DENND1A: variants seen among roughly 807,000 people sequenced by gnomAD.
DENND1A encodes DENN domain containing 1A.
In DENND1A, 51 loss-of-function variants were observed where a neutral mutation model predicts 113.7. That is an observed-to-expected ratio of 0.45 (90% confidence interval 0.36 to 0.57). DENND1A has a LOEUF of 0.57. Ranked by LOEUF, DENND1A falls within the 20% of genes least tolerant of loss-of-function variation. The pLI, the probability that DENND1A is intolerant of heterozygous loss-of-function variation, is 0.00. For synonymous variants in DENND1A, 565 were observed against 570.8 expected, an observed-to-expected ratio of 0.99 and a Z score of 0.14; for missense variants, 1,258 against 1,395.9, an observed-to-expected ratio of 0.90 and a Z score of 1.57.
chr9:123,887,505 G>C (rs1169481310), intron 1 of DENND1A, among the ~76,000 whole-genome samples: 1 of 152,012 alleles, frequency 6.6e-6, no homozygotes, highest in East Asian at 1.9e-4. Context: ...GGCAGAATGA[G>C]GGGGTACCCA....
At chr9:123,734,941 T>C (rs1340877965) in intron 5 of DENND1A, among the ~76,000 whole-genome samples, 1 of 152,208 alleles carries the variant, frequency 6.6e-6, no homozygotes, top group South Asian at 2.1e-4. Flanking sequence ...TCATACGTTA[T>C]GATTTGATCC....
At chr9:123,447,115 C>A (rs2047364095) in intron 18 of DENND1A, among the ~76,000 whole-genome samples, 1 of 152,214 alleles carries the variant, frequency 6.6e-6, no homozygotes, top group Non-Finnish European at 1.5e-5. Context: ...AGGCATTCTT[C>A]TGGCAGGGAG....
intron 13 of DENND1A, among the ~76,000 whole-genome samples, chr9:123,501,016 G>C (rs184915987): frequency 4.7e-4 from 72 of 152,206 alleles, no homozygotes; most frequent in African/African-American, 1.7e-3. Flanking sequence ...TCATACTATT[G>C]TGTAACCATT....
At chr9:123,735,454 C>T (rs1442603109) in intron 5 of DENND1A, among the ~76,000 whole-genome samples, 1 of 152,188 alleles carries the variant, frequency 6.6e-6, no homozygotes, top group African/African-American at 2.4e-5. Flanking sequence ...ACAGCTCACA[C>T]TCTCTGCACT....
chr9:123,549,882 G>T (rs1285707198), intron 13 of DENND1A, among the ~76,000 whole-genome samples: 4 of 152,092 alleles, frequency 2.6e-5, no homozygotes, highest in Non-Finnish European at 4.4e-5. Context: ...GTGCTGTTTT[G>T]ATTTTACTAC....
intron 19 of DENND1A, chr9:123,413,688 G>A: frequency 1.0e-6 from 1 of 985,524 alleles, no homozygotes; most frequent in Non-Finnish European, 1.2e-6. Flanking sequence ...CATTAGCTGG[G>A]CGTGAGGGCT....
At chr9:123,789,099 G>T (rs569139279) in intron 3 of DENND1A, among the ~76,000 whole-genome samples, 3 of 149,700 alleles carry the variant, frequency 2.0e-5, no homozygotes, top group African/African-American at 2.5e-5. Context: ...TATAGGCAAC[G>T]CATGACTTTC....
At chr9:123,719,961 A>G (rs919100017) in intron 5 of DENND1A, among the ~76,000 whole-genome samples, 1 of 152,184 alleles carries the variant, frequency 6.6e-6, no homozygotes, top group African/African-American at 2.4e-5. Context: ...GAAGATAGCA[A>G]TACTTGAACT....
At chr9:123,621,406 T>C (rs1056049177) in intron 10 of DENND1A, among the ~76,000 whole-genome samples, 3 of 152,118 alleles carry the variant, frequency 2.0e-5, no homozygotes, top group African/African-American at 4.8e-5. Context: ...AGGCTGGTCT[T>C]GAACTCTTGG....
At chr9:123,709,329 T>C (rs929886606) in intron 5 of DENND1A, among the ~76,000 whole-genome samples, 3 of 152,214 alleles carry the variant, frequency 2.0e-5, no homozygotes, top group Admixed American at 6.5e-5. Context: ...TCTTTGTTCT[T>C]GTGCCTTTTG....
chr9:123,903,362 G>GA (rs1029090460), intron 1 of DENND1A, among the ~76,000 whole-genome samples: 1 of 136,542 alleles, frequency 7.3e-6, no homozygotes, highest in Non-Finnish European at 1.5e-5. Context: ...AAAAAAACTG[G>GA]AAAAAAAGAA....
intron 2 of DENND1A, among the ~76,000 whole-genome samples, chr9:123,818,872 T>C (rs1044132360): frequency 1.3e-5 from 2 of 152,158 alleles, no homozygotes; most frequent in Non-Finnish European, 2.9e-5. Context: ...AAGTGTCTTA[T>C]AAGGGACTGA....
In DENND1A at chr9:123,381,732, C is replaced by T. The variant is rs370951088; in HGVS notation, c.2913G>A (p.Pro971=). ...ACGGGGCAACTGCTGGGGGACCCAG[C>T]GGCTGTAGGGGGCTCGTGTGGGTGC... ...PMGTHTSPLQ[P]LGPPAVAPSR... is the part of the protein sequence containing the mutation. Residue 971 remains proline (P), a synonymous_variant, in exon 24 of 24, where the codon CCG becomes CCA. Coordinates refer to ENST00000394215, the MANE Select transcript of DENND1A (RefSeq NM_001352964.2). This position sits in a 1 kb window ranked among gnomAD's most constrained non-coding sequence, Gnocchi z 4.7. 5.6e-5 allele frequency: 85 copies of T among 1,524,872 alleles called. No homozygotes were observed. The highest frequency in any genetic ancestry group is 1.9e-4 in the East Asian group (8 of 41,212). 94.5% of individuals were successfully genotyped at this position (1,524,872 alleles called of 1,614,324 possible).
intron 13 of DENND1A, among the ~76,000 whole-genome samples, chr9:123,552,775 CCT>C (rs1259279595): frequency 5.3e-5 from 8 of 152,266 alleles, no homozygotes; most frequent in African/African-American, 9.6e-5. Context: ...CAGACATCCC[CCT>C]GTGTCTGCTC....
chr9:123,428,097 A>G (rs1164516808), intron 19 of DENND1A, among the ~76,000 whole-genome samples: 1 of 152,212 alleles, frequency 6.6e-6, no homozygotes, highest in Non-Finnish European at 1.5e-5. Context: ...TGAGCTCAGG[A>G]GTTCGAGACC....
intron 1 of DENND1A, among the ~76,000 whole-genome samples, chr9:123,889,778 G>A (rs1413874266): frequency 1.3e-5 from 2 of 152,106 alleles, no homozygotes; most frequent in Non-Finnish European, 2.9e-5. Flanking sequence ...TTCAAGACCA[G>A]CCTGGCCAAC....
chr9:123,570,421 C>T (rs1202760009), intron 12 of DENND1A, among the ~76,000 whole-genome samples: 1 of 152,108 alleles, frequency 6.6e-6, no homozygotes, highest in African/African-American at 2.4e-5. Flanking sequence ...CTGAATTTCA[C>T]CAAGAGAAAA....
At chr9:123,540,420 A>G (rs1011118153) in intron 13 of DENND1A, among the ~76,000 whole-genome samples, 1 of 152,222 alleles carries the variant, frequency 6.6e-6, no homozygotes, top group African/African-American at 2.4e-5. Flanking sequence ...AGTGCCTGCC[A>G]CTGGGCCTGG....
chr9:123,398,421 C>T (rs536136521), intron 21 of DENND1A, among the ~76,000 whole-genome samples: 1 of 152,220 alleles, frequency 6.6e-6, no homozygotes, highest in East Asian at 1.9e-4. Context: ...GTCACCCAGG[C>T]TAGAGTGCAG....
Sources: allele counts gnomAD v4.1 joint callset (sites outside exome capture counted in the v4.1 genomes callset), GRCh38; gene constraint gnomAD v4.1.1; non-coding constraint Gnocchi (gnomAD v3.1); transcripts MANE v1.5; gene names NCBI Gene and HGNC (gene_info 2026-07-23, HGNC 2026-07-21).